DMD: variants seen among roughly 807,000 people sequenced by gnomAD.
DMD encodes the protein mutant dystrophin.
In DMD, 63 loss-of-function variants were observed where a neutral mutation model predicts 330.1. The ratio of observed to expected loss-of-function variants is 0.19; its 90% CI spans 0.16 to 0.24. The LOEUF is 0.24. Among genes scored for constraint, DMD ranks in the 10% least tolerant of loss-of-function variants. The pLI, the probability that DMD is intolerant of heterozygous loss-of-function variation, is 1.00. For synonymous variants in DMD, 1,223 were observed against 959.8 expected, an observed-to-expected ratio of 1.27 and a Z score of -5.07; for missense variants, 3,344 against 2,684.1, an observed-to-expected ratio of 1.25 and a Z score of -5.43.
At chrX:32,243,212 G>A (rs1025335159) in intron 43 of DMD, among the ~76,000 whole-genome samples, 10 of 110,410 alleles carry the variant, frequency 9.1e-5, no homozygotes, top group Admixed American at 1.9e-4. Context: ...TTTCTGTAGC[G>A]TAATAATAAA....
rs201821982 is a variant in DMD, at chrX:32,580,139, C to A, written c.1603-6293G>T. On this transcript the variant is annotated intron_variant, in intron 13 of 78. Coordinates refer to ENST00000357033, the MANE Select transcript of DMD (RefSeq NM_004006.3). Reference sequence around the variant, plus strand: ...GCATTCCAGCGTAACAGTGTTCCTTCCAGCATTCATCACATTCCCAGGCAT... The same window carrying A: ...GCATTCCAGCGTAACAGTGTTCCTTACAGCATTCATCACATTCCCAGGCAT... 7.2e-5 allele frequency among the ~76,000 whole-genome samples: 8 copies of A among 110,685 alleles called. No individual in the cohort carries two copies. The East Asian group carries it at 2.3e-3, about 31-fold the overall frequency.
At chrX:32,295,123 C>T (rs1314768598) in intron 42 of DMD, among the ~76,000 whole-genome samples, 4 of 111,628 alleles carry the variant, frequency 3.6e-5, no homozygotes, top group East Asian at 2.8e-4. Context: ...TTCACTATTC[C>T]GCTGAAATTC....
At chrX:33,213,483 CTG>C (rs764308573), upstream of DMD, among the ~76,000 whole-genome samples, 8 of 111,952 alleles carry the variant, frequency 7.1e-5, no homozygotes, top group African/African-American at 2.6e-4. Context: ...CCAGTTCAGA[CTG>C]TGTCACCACA....
intron 27 of DMD, 50 bp downstream of exon 27, chrX:32,448,406 A>G: frequency 8.5e-7 from 1 of 1,177,220 alleles, no homozygotes; most frequent in Middle Eastern, 2.4e-4. Flanking sequence ...TGCCTCACAT[A>G]TGACCATGTA....
intron 42 of DMD, among the ~76,000 whole-genome samples, chrX:32,299,635 T>G (rs1356495417): frequency 9.1e-6 from 1 of 109,856 alleles, no homozygotes; most frequent in African/African-American, 3.3e-5. Context: ...ACATCCAGAG[T>G]GGGACTTCAA....
intron 1 of DMD, among the ~76,000 whole-genome samples, chrX:33,326,497 T>C (rs779504147): frequency 9.0e-6 from 1 of 111,653 alleles, no homozygotes; most frequent in South Asian, 3.7e-4. Context: ...GACTGTGGGA[T>C]GGAGTCAACA....
Position 32,256,847 on chromosome X carries a change from C to T in DMD, c.6290+30682G>A, listed in dbSNP as rs60395265. 0.014 allele frequency among the ~76,000 whole-genome samples: 1,556 copies of T among 111,692 alleles called. 106 individuals are homozygous for T. In the East Asian group the frequency reaches 0.28, roughly 20 times the overall value. ...AGAGTGTTGAATATTGGCACCCACT[C>T]TCTTCTAGCTTGTAGGGTTTCTGCA... is the stretch of plus-strand genomic sequence containing the variant. On this transcript the variant is annotated intron_variant, in intron 43 of 78. Transcript: ENST00000357033.
chrX:33,022,164 A>C (rs1261677661), intron 1 of DMD, among the ~76,000 whole-genome samples: 1 of 111,585 alleles, frequency 9.0e-6, no homozygotes, highest in Non-Finnish European at 1.9e-5. Flanking sequence ...AGAGTAAATG[A>C]GTCAGTTGAA....
chrX:31,333,694 T>C lies in DMD; in HGVS notation c.9164-10036A>G, dbSNP rs2057266326. Among the ~76,000 whole-genome samples, 2 of 109,300 alleles carry C rather than the reference T, an allele frequency of 1.8e-5. 1 individual carries two copies. The highest frequency in any genetic ancestry group is 2.0e-4 in the Admixed American group (2 of 10,227). 94.9% of individuals were successfully genotyped at this position (109,300 alleles called of 115,157 possible). A position where few individuals can be genotyped will look rare whatever the true frequency, so the allele number is the denominator to read the frequency against. On this transcript the variant is annotated intron_variant, in intron 61 of 78. Coordinates refer to ENST00000357033, the MANE Select transcript of DMD (RefSeq NM_004006.3). ...AAATGAGCTCATTTCATTCCATTCC[T>C]CTTCGATTTTTTTTTTCCACAGACA...
intron 76 of DMD, among the ~76,000 whole-genome samples, chrX:31,136,599 G>A (rs777641090): frequency 3.7e-4 from 41 of 112,187 alleles, no homozygotes; most frequent in Non-Finnish European, 1.9e-5. Context: ...CGACGCTCAT[G>A]AACATCGATG....
chrX:31,171,209 T>C (rs2039958659), intron 73 of DMD, among the ~76,000 whole-genome samples: 1 of 111,974 alleles, frequency 8.9e-6, no homozygotes, highest in African/African-American at 3.2e-5. Context: ...TGTTTGTTTG[T>C]TTGAAGGAAG....
chrX:32,232,057 T>TGAAATTATGCCAGATTAGCATTTCAACTA (rs1193078808), intron 43 of DMD, among the ~76,000 whole-genome samples: 1 of 110,408 alleles, frequency 9.1e-6, no homozygotes, highest in African/African-American at 3.4e-5. Flanking sequence ...AAATTAGTTC[T>TGAAATTATGCCAGATTAGCATTTCAACTA]GAAATTATGC....
In DMD at chrX:31,121,615, G is replaced by GTAGT. The variant is rs1307893385; in HGVS notation, c.*300_*303dup. ...TTATTTAGCTATCAAGATTTTACAT[G>GTAGT]TAGTTTTCTTATAACTTTTTTGTAC... On this transcript the variant is annotated 3_prime_UTR_variant, in exon 79 of 79. Transcript: ENST00000357033. 9 of 338,142 alleles carry GTAGT rather than the reference G, an allele frequency of 2.7e-5. No homozygotes were observed. Among genetic ancestry groups the GTAGT allele is most frequent in the African/African-American group, 2.4e-4 (9 of 37,997 alleles). 27.9% of individuals were successfully genotyped at this position (338,142 alleles called of 1,213,427 possible). A position where few individuals can be genotyped will look rare whatever the true frequency, so the allele number is the denominator to read the frequency against.
chrX:32,139,800 T>C (rs184599501), intron 44 of DMD, among the ~76,000 whole-genome samples: 1 of 112,444 alleles, frequency 8.9e-6, no homozygotes, highest in Admixed American at 9.4e-5. Context: ...AATAAAAAAA[T>C]CTTAAAACAT....
chrX:32,321,239 G>C (rs770738681), intron 41 of DMD, among the ~76,000 whole-genome samples: 1 of 111,168 alleles, frequency 9.0e-6, no homozygotes, highest in South Asian at 3.8e-4. Context: ...ACTTTGAACT[G>C]AGTCCATGCA....
chrX:32,777,279 G>GC (rs1569518156), intron 7 of DMD, among the ~76,000 whole-genome samples: 2 of 62,574 alleles, frequency 3.2e-5, no homozygotes, highest in Admixed American at 1.7e-4. Context: ...TTTCTGGTTG[G>GC]GGGGGGAATC....
At chrX:32,240,988 T>C (rs968996031) in intron 43 of DMD, among the ~76,000 whole-genome samples, 1 of 112,200 alleles carries the variant, frequency 8.9e-6, no homozygotes, top group Non-Finnish European at 1.9e-5. Flanking sequence ...TCTGGGATCC[T>C]GAAAAACAAA....
At chrX:32,232,206 G>A (rs1361872168) in intron 43 of DMD, among the ~76,000 whole-genome samples, 18 of 111,695 alleles carry the variant, frequency 1.6e-4, no homozygotes, top group Non-Finnish European at 1.9e-5. Context: ...CTATTCTGCC[G>A]GGAGTTGCAC....
At chrX:31,131,146 C>T (rs1374217753) in intron 77 of DMD, among the ~76,000 whole-genome samples, 2 of 111,575 alleles carry the variant, frequency 1.8e-5, no homozygotes, top group East Asian at 2.8e-4. Context: ...ACATTAGCAA[C>T]GTCTTGGCAG....
Sources: gnomAD v4.1 joint callset for allele counts (sites outside exome capture counted in the v4.1 genomes callset) on GRCh38, gnomAD v4.1.1 for gene constraint, MANE v1.5 for transcripts, NCBI Gene and HGNC (gene_info 2026-07-23, HGNC 2026-07-21) for gene names.